MON1A: variants seen among roughly 807,000 people sequenced by gnomAD.
The protein encoded by MON1A is MON1 vesicular trafficking associated A, also known as vacuolar fusion protein MON1 homolog A.
Under a neutral mutation model 44.6 loss-of-function variants are expected in MON1A, and 29 were observed. The ratio of observed to expected loss-of-function variants is 0.65; its 90% CI spans 0.48 to 0.89. The LOEUF (loss-of-function observed/expected upper bound fraction) is 0.89. Ranked by LOEUF, MON1A falls within the 40% of genes least tolerant of loss-of-function variation. MON1A has a pLI of 0.00. For missense variants in MON1A, 615 were observed against 759.6 expected, an observed-to-expected ratio of 0.81 and a Z score of 2.24; for synonymous variants, 275 against 316.4, an observed-to-expected ratio of 0.87 and a Z score of 1.39.
chr3:49,925,988 A>T (rs2083048357), intron 1 of MON1A, among the ~76,000 whole-genome samples: 1 of 152,022 alleles, frequency 6.6e-6, no homozygotes, highest in African/African-American at 2.4e-5. Flanking sequence ...CAGCAAAGTG[A>T]TTCTCTTGAT....
intron 1 of MON1A, among the ~76,000 whole-genome samples, chr3:49,915,344 A>C (rs1202550863): frequency 6.6e-6 from 1 of 152,198 alleles, no homozygotes; most frequent in Non-Finnish European, 1.5e-5. Context: ...CTGGGGCAAC[A>C]AAGTGAGACC....
intron 1 of MON1A, among the ~76,000 whole-genome samples, chr3:49,914,929 C>T (rs918856853): frequency 1.3e-5 from 2 of 152,188 alleles, no homozygotes; most frequent in East Asian, 3.9e-4. Flanking sequence ...AATCCTCCCA[C>T]TTCAGCCTCC....
Position 49,910,579 on chromosome 3 carries a change from T to G in MON1A, c.919A>C (p.Ser307Arg), listed in dbSNP as rs1559491411. ...GCACGCGCCTGCTGCAGGCTGGCGC[T>G]CACAGTGTCGCGCACGGCCGCCGCC... ...PLAAAVRDTV[S>R]ASLQQARARS... Residue 307 changes from serine to arginine, a missense_variant, in exon 4 of 6, where the codon AGC becomes CGC. Physicochemically the swap from Ser to Arg is moderately radical, Grantham distance 110. Transcript: ENST00000296473. The surrounding 1 kb of genome is among the most constrained non-coding windows in gnomAD (Gnocchi z 8.0). 4 of 1,608,658 alleles carry G rather than the reference T, an allele frequency of 2.5e-6. No individual in the cohort carries two copies. Among genetic ancestry groups the G allele is most frequent in the Non-Finnish European group, 3.4e-6 (4 of 1,177,354 alleles).
chr3:49,911,185 A>ACAGAT lies in MON1A; in HGVS notation c.614-302_614-301insATCTG, dbSNP rs1559491771. Among the ~76,000 whole-genome samples the ACAGAT allele has an allele frequency of 1.3e-4, 19 of 142,556 alleles. No homozygotes were observed. The highest frequency in any genetic ancestry group is 5.3e-4 in the African/African-American group (19 of 36,106). 93.5% of individuals were successfully genotyped at this position (142,556 alleles called of 152,430 possible). On this transcript the variant is annotated intron_variant, in intron 3 of 5. Transcript: ENST00000296473. The surrounding 1 kb of genome is among the most constrained non-coding windows in gnomAD (Gnocchi z 5.7). ...GTGGAGCTCAGGACCTGGGAGATAGATAGATTAGATAGATAGATAGATAGA... is the reference window on the plus strand; with the variant it reads ...GTGGAGCTCAGGACCTGGGAGATAGACAGATTAGATTAGATAGATAGATAGATAGA...
chr3:49,918,337 CA>C (rs199995947), intron 1 of MON1A, among the ~76,000 whole-genome samples: 3 of 145,220 alleles, frequency 2.1e-5, no homozygotes, highest in Non-Finnish European at 4.5e-5. Flanking sequence ...AACTCTGTCT[CA>C]AAAAAAAAGA....
At chr3:49,919,698 T>G (rs2082979607) in intron 1 of MON1A, among the ~76,000 whole-genome samples, 1 of 152,182 alleles carries the variant, frequency 6.6e-6, no homozygotes, top group Non-Finnish European at 1.5e-5. Context: ...CAGGCTGGTC[T>G]CAGGTGATCC....
intron 1 of MON1A, among the ~76,000 whole-genome samples, chr3:49,929,140 T>A (rs2083073911): frequency 6.6e-6 from 1 of 152,224 alleles, no homozygotes; most frequent in Non-Finnish European, 1.5e-5. Context: ...GAGAATCGCT[T>A]GAACCTGGGA....
Position 49,910,360 on chromosome 3 carries a change from C to T in MON1A, c.1138G>A (p.Ala380Thr), listed in dbSNP as rs2082860778. Residue 380 changes from alanine (A) to threonine (T), a missense_variant, in exon 4 of 6, where the codon GCA becomes ACA. Ala to Thr is a moderately conservative substitution (Grantham distance 58, BLOSUM62 0). Transcript: ENST00000296473. This position sits in a 1 kb window ranked among gnomAD's most constrained non-coding sequence, Gnocchi z 8.0. The part of the protein sequence containing the change: ...PKFNAAGFFH[A>T]HISYLEPDTD... ...TCAGGCTCTAGGTAAGAGATGTGTG[C>T]GTGGAAGAAGCCGGCTGCGTTGAAT... 11 of 1,614,204 alleles carry T rather than the reference C, an allele frequency of 6.8e-6. No individual in the cohort carries two copies. The highest frequency in any genetic ancestry group is 9.3e-6 in the Non-Finnish European group (11 of 1,180,044).
At position 49,914,020 on chromosome 3, in the gene MON1A, A is replaced by C. The variant is rs113254579; in HGVS notation, c.-13-661T>G. 2.0e-3 allele frequency among the ~76,000 whole-genome samples: 297 copies of C among 151,792 alleles called. 4 individuals carry two copies. Among genetic ancestry groups the C allele is most frequent in the African/African-American group, 6.9e-3 (284 of 41,394 alleles). On this transcript the variant is annotated intron_variant, in intron 1 of 5. Coordinates refer to ENST00000296473, the MANE Select transcript of MON1A (RefSeq NM_032355.4). The stretch of plus-strand genomic sequence containing the variant: ...CTCACTGCAGCCTTGACTTGGGCTC[A>C]AGCAGTCCTCCCATCTCAGCCTTCC...
At chr3:49,914,283 G>A (rs1243378367) in intron 1 of MON1A, among the ~76,000 whole-genome samples, 2 of 151,342 alleles carry the variant, frequency 1.3e-5, no homozygotes, top group Non-Finnish European at 2.9e-5. Context: ...GGGTTTCTCT[G>A]TGTTGGTCAG....
intron 1 of MON1A, among the ~76,000 whole-genome samples, chr3:49,926,903 C>T (rs952092150): frequency 1.3e-5 from 2 of 151,872 alleles, no homozygotes; most frequent in Admixed American, 6.6e-5. Flanking sequence ...CTCAGCCTCC[C>T]GAGTAGCTGG....
chr3:49,910,215 T>G lies in MON1A; in HGVS notation c.1283A>C (p.Glu428Ala). ...RKRGAHLALR[E>A]ALRTPYYSVA... ...GCTGTAGTAGGGTGTGCGCAGTGCC[T>G]CTCGCAGGGCCAGGTGGGCTCCGCG... The change falls in exon 4 of 6, where the codon GAG (glutamate) becomes GCG (alanine). Residue 428 changes from glutamate to alanine, a missense_variant. Coordinates refer to ENST00000296473, the MANE Select transcript of MON1A (RefSeq NM_032355.4). This position sits in a 1 kb window ranked among gnomAD's most constrained non-coding sequence, Gnocchi z 8.0. The G allele has an allele frequency of 6.2e-7, 1 of 1,614,114 alleles. No homozygotes were observed. Among genetic ancestry groups the G allele is most frequent in the Non-Finnish European group, 8.5e-7 (1 of 1,180,006 alleles).
chr3:49,913,921 ATTG>A lies in MON1A; in HGVS notation c.-13-565_-13-563del, dbSNP rs528585597. 2.6e-4 allele frequency among the ~76,000 whole-genome samples: 39 copies of A among 149,510 alleles called. 1 individual carries two copies. In the East Asian group the frequency reaches 4.4e-3, roughly 17 times the overall value. ...TCAAGTGATCTGCCCCTCTCGGCAG[ATTG>A]TTGTTGTTGTTGTTGTTGAGACAGG... On this transcript the variant is annotated intron_variant, in intron 1 of 5. Transcript: ENST00000296473.
Position 49,913,238 on chromosome 3 carries a change from C to T in MON1A, c.109G>A (p.Ala37Thr), listed in dbSNP as rs1250970418. ...CCCATACCTGGCTCCATTCCCTGGG[C>T]CATTCCTGGTGTGGGGCTCTCAGCT... Reference protein sequence around the residue: ...ERAESPTPGMAQGMEPGAGQE... With the variant: ...ERAESPTPGMTQGMEPGAGQE... The change falls in exon 2 of 6, where the codon GCC becomes ACC. Residue 37 changes from alanine to threonine, a missense_variant. Physicochemically the swap from Ala to Thr is moderately conservative, Grantham distance 58. Transcript: ENST00000296473. 6.2e-7 allele frequency: 1 copy of T among 1,614,132 alleles called. No homozygotes were observed. Among genetic ancestry groups the T allele is most frequent in the African/African-American group, 1.3e-5 (1 of 74,952 alleles).
chr3:49,913,454 G>C (rs2082910950), intron 1 of MON1A, 95 bp from the exon 2 acceptor site: 2 of 1,199,606 alleles, frequency 1.7e-6, no homozygotes, highest in Non-Finnish European at 1.2e-6. Flanking sequence ...CCTTTATCAG[G>C]ACTCCACTAA....
Position 49,911,879 on chromosome 3 carries a change from A to G in MON1A, c.260T>C (p.Met87Thr), listed in dbSNP as rs762186587. 1 of 1,614,082 alleles carries G rather than the reference A, an allele frequency of 6.2e-7. No homozygotes were observed. Among genetic ancestry groups the G allele is most frequent in the South Asian group, 1.1e-5 (1 of 91,084 alleles). ...GCTAAAGTCCTGGCTGATCTGGCGC[A>G]TGTCTGTAGGCAGCGGCGGGGGACC... ...TRGPPPLPTD[M>T]RQISQDFSEL... The change falls in exon 3 of 6, where the codon ATG (methionine) becomes ACG (threonine). Residue 87 changes from methionine to threonine, a missense_variant. By Grantham distance (81) the Met-to-Thr change is moderately conservative (BLOSUM62 -1). Coordinates refer to ENST00000296473, the MANE Select transcript of MON1A (RefSeq NM_032355.4). The surrounding 1 kb of genome is among the most constrained non-coding windows in gnomAD (Gnocchi z 5.7).
intron 1 of MON1A, 159 bp downstream of exon 1, chr3:49,929,450 G>T: frequency 1.2e-6 from 1 of 838,188 alleles, no homozygotes; most frequent in Non-Finnish European, 1.9e-6. Context: ...CCCCAGCTGG[G>T]GACTAGCCGG....
intron 1 of MON1A, among the ~76,000 whole-genome samples, chr3:49,920,416 C>G (rs957227377): frequency 6.6e-6 from 1 of 152,050 alleles, no homozygotes; most frequent in African/African-American, 2.4e-5. Context: ...GTTTTAAATT[C>G]CCTCTACATA....
chr3:49,929,646 C>T lies in MON1A; in HGVS notation c.-51G>A, dbSNP rs1228618575. On this transcript the variant is annotated 5_prime_UTR_variant, in exon 1 of 6. Coordinates refer to ENST00000296473, the MANE Select transcript of MON1A (RefSeq NM_032355.4). ...GGAGTCCAGGACGCACAGAAGGTGC[C>T]GGTCACTGCCCTCTGCCGGACCCAT... 1.3e-6 allele frequency: 2 copies of T among 1,551,334 alleles called. No homozygotes were observed. Among genetic ancestry groups the T allele is most frequent in the South Asian group, 1.2e-5 (1 of 84,060 alleles).
Sources: gnomAD v4.1 joint callset for allele counts (sites outside exome capture counted in the v4.1 genomes callset) on GRCh38, gnomAD v4.1.1 for gene constraint, Gnocchi (gnomAD v3.1) non-coding constraint, MANE v1.5 for transcripts, NCBI Gene and HGNC (gene_info 2026-07-23, HGNC 2026-07-21) for gene names.